AMD1: variants seen among roughly 807,000 people sequenced by gnomAD.
AMD1 encodes adenosylmethionine decarboxylase 1, also known as S-adenosylmethionine decarboxylase proenzyme.
AMD1 carries 11 observed loss-of-function variants against 40.2 expected under a neutral mutation model. The observed-to-expected ratio is 0.27, with a 90% confidence interval of 0.17 to 0.45. The LOEUF (loss-of-function observed/expected upper bound fraction) is 0.45. AMD1 is among the 20% of genes least tolerant of loss of function. The pLI is 1.00. For synonymous variants in AMD1, 121 were observed against 130.8 expected (o/e 0.93, Z 0.51); for missense variants, 257 against 410.2 (o/e 0.63, Z 3.23).
chr6:110,819,931 A>G, the AMD1 span, among the ~76,000 whole-genome samples: 22 of 152,216 alleles, frequency 1.4e-4, no homozygotes, highest in Non-Finnish European at 2.4e-4. Flanking sequence ...ATTAGCATGC[A>G]TTATAGGAGA....
chr6:110,862,789 TTC>T, the AMD1 span, among the ~76,000 whole-genome samples: 1 of 151,988 alleles, frequency 6.6e-6, no homozygotes, highest in South Asian at 2.1e-4. Context: ...TGATTTATCT[TTC>T]TCTCTCTTTA....
chr6:110,875,243 C>T (rs1562333110), intron 1 of AMD1, 28 bp downstream of exon 1: 3 of 1,559,330 alleles, frequency 1.9e-6, no homozygotes, highest in Non-Finnish European at 2.6e-6. Context: ...TCGCTGACAT[C>T]CGGGCCTGGG....
chr6:110,845,270 C>T, the AMD1 span, among the ~76,000 whole-genome samples: 1 of 151,930 alleles, frequency 6.6e-6, no homozygotes, highest in Non-Finnish European at 1.5e-5. Context: ...AACTCCTGAC[C>T]TCAACCGACC....
At chr6:110,876,824 A>G (rs2115271688) in intron 1 of AMD1, among the ~76,000 whole-genome samples, 1 of 152,374 alleles carries the variant, frequency 6.6e-6, no homozygotes. Flanking sequence ...GCAAGAACCT[A>G]GAAAATCTTG....
the AMD1 span, among the ~76,000 whole-genome samples, chr6:110,855,065 C>CTCTTTTTTTTT: frequency 5.0e-5 from 4 of 80,446 alleles, no homozygotes; most frequent in East Asian, 1.0e-3. Context: ...CTCTCTCTCT[C>CTCTTTTTTTTT]TTTTTTTTTT....
At chr6:110,828,989 G>A in the AMD1 span, among the ~76,000 whole-genome samples, 1 of 152,084 alleles carries the variant, frequency 6.6e-6, no homozygotes, top group African/African-American at 2.4e-5. Context: ...GGCCAACATG[G>A]TGAAACCCTG....
chr6:110,864,476 C>T, the AMD1 span: 5 of 154,328 alleles, frequency 3.2e-5, no homozygotes, highest in Admixed American at 1.3e-4. Context: ...CATCTAATTC[C>T]CCCAAAAGAC....
chr6:110,822,650 T>TATGTTC, the AMD1 span, among the ~76,000 whole-genome samples: 2 of 152,054 alleles, frequency 1.3e-5, no homozygotes, highest in Non-Finnish European at 2.9e-5. Flanking sequence ...TATAGACAAA[T>TATGTTC]ATCCCTGATG....
chr6:110,841,647 G>A, the AMD1 span, among the ~76,000 whole-genome samples: 1 of 151,792 alleles, frequency 6.6e-6, no homozygotes, highest in East Asian at 1.9e-4. Context: ...ACAGTAGCAG[G>A]GACAAGCTGC....
chr6:110,888,808 C>CAGT (rs1259724725), intron 2 of AMD1, 49 bp from the exon 3 acceptor site: 1 of 1,566,764 alleles, frequency 6.4e-7, no homozygotes, highest in Non-Finnish European at 8.7e-7. Context: ...ATTGCACCCT[C>CAGT]AGTAGTACAT....
the AMD1 span, among the ~76,000 whole-genome samples, chr6:110,839,980 A>C: frequency 0.09 from 13,192 of 147,166 alleles, 721 homozygotes; most frequent in Middle Eastern, 0.13. Flanking sequence ...TAAGGCTGTT[A>C]TACACGGGAA....
intron 2 of AMD1, 174 bp from the exon 3 acceptor site, chr6:110,888,683 C>T (rs1785840785): frequency 2.0e-6 from 1 of 511,630 alleles, no homozygotes; most frequent in Non-Finnish European, 3.4e-6. Context: ...ATGTGCCAAG[C>T]CCTGGGGATG....
At chr6:110,893,235 G>C (rs573045626) in intron 8 of AMD1, among the ~76,000 whole-genome samples, 170 bp downstream of exon 8, 1 of 152,194 alleles carries the variant, frequency 6.6e-6, no homozygotes, top group African/African-American at 2.4e-5. Flanking sequence ...TGTTTCATTA[G>C]ACCTGTGTCA....
chr6:110,836,349 T>C, the AMD1 span, among the ~76,000 whole-genome samples: 1,492 of 152,260 alleles, frequency 9.8e-3, 14 homozygotes, highest in Non-Finnish European at 0.016. Context: ...TAATATAACC[T>C]TTCAGTGGGC....
At chr6:110,832,171 A>AT in the AMD1 span, among the ~76,000 whole-genome samples, 2 of 151,652 alleles carry the variant, frequency 1.3e-5, no homozygotes, top group African/African-American at 2.4e-5. Flanking sequence ...CACCTGGCTA[A>AT]TTTTTTTGTA....
the AMD1 span, among the ~76,000 whole-genome samples, chr6:110,836,012 C>CAA: frequency 0.15 from 8,696 of 59,916 alleles, 616 homozygotes; most frequent in East Asian, 0.26. Context: ...GACCTTGACT[C>CAA]AAAAAAAAAA....
chr6:110,868,441 G>A, the AMD1 span, among the ~76,000 whole-genome samples: 2 of 152,190 alleles, frequency 1.3e-5, no homozygotes, highest in Admixed American at 6.5e-5. Context: ...GAGCCACCGG[G>A]CCCGGACGTC....
At chr6:110,848,045 G>C in the AMD1 span, among the ~76,000 whole-genome samples, 1 of 151,848 alleles carries the variant, frequency 6.6e-6, no homozygotes, top group Non-Finnish European at 1.5e-5. Flanking sequence ...ACCTAAATTA[G>C]TTTTTGATTA....
chr6:110,893,372 G>C, intron 8 of AMD1, 104 bp from the exon 9 acceptor site: 1 of 1,454,244 alleles, frequency 6.9e-7, no homozygotes, highest in Non-Finnish European at 9.4e-7. Context: ...AAATAACTCA[G>C]ATGTCTTAGT....
Sources: gnomAD v4.1 joint callset for allele counts (sites outside exome capture counted in the v4.1 genomes callset) on GRCh38, gnomAD v4.1.1 for gene constraint, MANE v1.5 for transcripts, NCBI Gene and HGNC (gene_info 2026-07-23, HGNC 2026-07-21) for gene names.